Variants in PLAGL1 observed in about 807,000 individuals in gnomAD.
The protein encoded by PLAGL1 is PLAG1 like zinc finger 1, also known as zinc finger protein PLAGL1.
PLAGL1 carries 1 observed loss-of-function variant against 4.6 expected under a neutral mutation model. That is an observed-to-expected ratio of 0.22 (90% CI 0.08 to 1.03). The LOEUF is 1.03. PLAGL1 is among the 50% of genes least tolerant of loss of function. The pLI, the probability that PLAGL1 is intolerant of heterozygous loss-of-function variation, is 0.58. For missense variants in PLAGL1, 464 were observed against 570.4 expected (o/e 0.81, Z 1.90); for synonymous variants, 240 against 237.8 (o/e 1.01, Z -0.08).
intron 1 of PLAGL1, among the ~76,000 whole-genome samples, chr6:143,991,133 C>T (rs1160480211): frequency 1.3e-5 from 2 of 152,244 alleles, no homozygotes; most frequent in Non-Finnish European, 2.9e-5. Flanking sequence ...ATTATGTCCA[C>T]AAGGTTGGAA....
Position 143,955,049 on chromosome 6 carries a change from A to G in PLAGL1, c.-325+5420T>C, listed in dbSNP as rs1169976390. ...TATTCAAAGATGTGTTTCCTCAGGA[A>G]TGAATGGACAGAATACAATTACATT... On this transcript the variant is annotated intron_variant, in intron 6 of 7. Coordinates refer to ENST00000674357, the MANE Select transcript of PLAGL1 (RefSeq NM_001317162.2). This position sits in a 1 kb window ranked among gnomAD's most constrained non-coding sequence, Gnocchi z 4.9. 3.3e-5 allele frequency among the ~76,000 whole-genome samples: 5 copies of G among 152,218 alleles called. No homozygotes were observed. The highest frequency in any genetic ancestry group is 7.3e-5 in the Non-Finnish European group (5 of 68,036).
At chr6:143,974,595 T>A (rs1382683536) in intron 2 of PLAGL1, among the ~76,000 whole-genome samples, 5 of 152,142 alleles carry the variant, frequency 3.3e-5, no homozygotes, top group Non-Finnish European at 5.9e-5. Context: ...GTGACAAAAA[T>A]GGTGTGACAA....
chr6:144,029,049 T>C (rs1037245321), intron 1 of PLAGL1, among the ~76,000 whole-genome samples: 2 of 152,208 alleles, frequency 1.3e-5, no homozygotes, highest in African/African-American at 4.8e-5. Flanking sequence ...TATTACTATA[T>C]GTTTTGAGGA....
chr6:144,030,899 A>G (rs1426693668), intron 1 of PLAGL1, among the ~76,000 whole-genome samples: 1 of 152,130 alleles, frequency 6.6e-6, no homozygotes. Flanking sequence ...TTTTAGTTCA[A>G]ATGGTAGATC....
rs567245750 is a variant in PLAGL1 at position 144,036,879 on chromosome 6, G to A, written c.-151+27589C>T. ...CATCCCCTAATGGTTTGTTCTTGGT[G>A]TTGGACAAATCATAAAAGGACCAGA... On this transcript the variant is annotated intron_variant, in intron 1 of 3. Coordinates refer to the PLAGL1 transcript ENST00000437412. This position sits in a 1 kb window ranked among gnomAD's most constrained non-coding sequence, Gnocchi z 5.1. 1.1e-5 allele frequency: 3 copies of A among 276,494 alleles called. No individual in the cohort carries two copies. Among genetic ancestry groups the A allele is most frequent in the East Asian group, 1.1e-4 (1 of 9,140 alleles). The allele number at this position is 276,494 out of a possible 1,614,324, so 17.1% of individuals were successfully genotyped here. A position where few individuals can be genotyped will look rare whatever the true frequency, so the allele number is the denominator to read the frequency against.
rs974699075 is a variant in PLAGL1 at position 143,945,409 on chromosome 6, C to T, written c.152+2576G>A. ...TGTCTCTAACTGGTTTCATTATATG[C>T]TGTACTGGGACCCACATTCTGTTTT... is the stretch of plus-strand genomic sequence containing the variant. On this transcript the variant is annotated intron_variant, in intron 7 of 7. Transcript: ENST00000674357. The surrounding 1 kb of genome is among the most constrained non-coding windows in gnomAD (Gnocchi z 4.2). Among the ~76,000 whole-genome samples the T allele has an allele frequency of 6.6e-6, 1 of 151,980 alleles. No homozygotes were observed. The highest frequency in any genetic ancestry group is 1.5e-5 in the Non-Finnish European group (1 of 68,014).
intron 1 of PLAGL1, among the ~76,000 whole-genome samples, chr6:144,042,455 G>T (rs1176671049): frequency 1.3e-5 from 2 of 152,034 alleles, no homozygotes; most frequent in South Asian, 2.1e-4. Flanking sequence ...TCTTGTTTTT[G>T]TCAGGTTTGT....
chr6:143,971,256 C>T lies in PLAGL1; in HGVS notation c.-543-2278G>A, dbSNP rs539940916. Among the ~76,000 whole-genome samples, 8 of 152,150 alleles carry T rather than the reference C, an allele frequency of 5.3e-5. No homozygotes were observed. Among genetic ancestry groups the T allele is most frequent in the African/African-American group, 1.4e-4 (6 of 41,440 alleles). On this transcript the variant is annotated intron_variant, in intron 2 of 7. Coordinates refer to ENST00000674357, the MANE Select transcript of PLAGL1 (RefSeq NM_001317162.2). The surrounding 1 kb of genome is among the most constrained non-coding windows in gnomAD (Gnocchi z 4.7). ...ACCCATACAAATGCCCCTTCCTCTACGAGATTCCTCCCGCAATTCACAAAT... is the reference window on the plus strand; with the variant it reads ...ACCCATACAAATGCCCCTTCCTCTATGAGATTCCTCCCGCAATTCACAAAT...
chr6:143,992,881 G>C (rs1790773089), intron 1 of PLAGL1, among the ~76,000 whole-genome samples: 1 of 151,908 alleles, frequency 6.6e-6, no homozygotes, highest in Non-Finnish European at 1.5e-5. Context: ...GGGAAGCTGA[G>C]GCAGAAGAAT....
chr6:144,040,103 A>G (rs915918686), intron 1 of PLAGL1, among the ~76,000 whole-genome samples: 1 of 152,244 alleles, frequency 6.6e-6, no homozygotes, highest in African/African-American at 2.4e-5. Flanking sequence ...TTTAATGAGA[A>G]AAAAAGAAGG....
chr6:143,975,477 C>T lies in PLAGL1; in HGVS notation c.-543-6499G>A, dbSNP rs545508055. 6.6e-6 allele frequency among the ~76,000 whole-genome samples: 1 copy of T among 152,250 alleles called. No individual in the cohort carries two copies. The highest frequency in any genetic ancestry group is 2.4e-5 in the African/African-American group (1 of 41,542). ...AAATTAGATAACTAATATAAAGCTC[C>T]TAAAACAGCATTGGCATACAGTGAA... On this transcript the variant is annotated intron_variant, in intron 2 of 7. Coordinates refer to ENST00000674357, the MANE Select transcript of PLAGL1 (RefSeq NM_001317162.2). The surrounding 1 kb of genome is among the most constrained non-coding windows in gnomAD (Gnocchi z 5.8).
Position 143,965,064 on chromosome 6 carries a change from G to C in PLAGL1, c.-430-246C>G, listed in dbSNP as rs1383530569. 1 of 152,160 alleles carries C rather than the reference G, an allele frequency of 6.6e-6. No homozygotes were observed. The highest frequency in any genetic ancestry group is 2.4e-5 in the African/African-American group (1 of 41,422). 9.4% of individuals were successfully genotyped at this position (152,160 alleles called of 1,614,324 possible). ...TGATTTCCATAAGATGGAAATGATT[G>C]CATGCTGGAAACTGAGATGCTTTAG... On this transcript the variant is annotated intron_variant, in intron 4 of 7. Coordinates refer to ENST00000674357, the MANE Select transcript of PLAGL1 (RefSeq NM_001317162.2). The surrounding 1 kb of genome is among the most constrained non-coding windows in gnomAD (Gnocchi z 7.5).
intron 1 of PLAGL1, among the ~76,000 whole-genome samples, chr6:144,023,075 T>C (rs926320577): frequency 6.6e-6 from 1 of 152,216 alleles, no homozygotes; most frequent in African/African-American, 2.4e-5. Context: ...AGCTATTAAT[T>C]CATGCAACAC....
chr6:144,062,248 G>A (rs553893554), intron 1 of PLAGL1, among the ~76,000 whole-genome samples: 18 of 151,844 alleles, frequency 1.2e-4, no homozygotes, highest in Non-Finnish European at 2.5e-4. Flanking sequence ...GAGGAGGCAC[G>A]CGCCTGTAGT....
chr6:144,012,666 C>A (rs1035947252), upstream of PLAGL1, among the ~76,000 whole-genome samples: 25 of 152,266 alleles, frequency 1.6e-4, no homozygotes, highest in African/African-American at 4.6e-4. This position sits in a 1 kb window ranked among gnomAD's most constrained non-coding sequence, Gnocchi z 4.8. Context: ...TAGGTTATTT[C>A]CACAGTGGTC....
chr6:144,007,551 T>G (rs1794517105), intron 1 of PLAGL1: 1 of 152,228 alleles, frequency 6.6e-6, no homozygotes, highest in Non-Finnish European at 1.5e-5. Context: ...GAAAGTTGGA[T>G]GCGGAGACTA....
In PLAGL1 at chr6:143,940,845, A is replaced by C. The variant is rs1266541722; in HGVS notation, c.*579T>G. 6.6e-6 allele frequency: 1 copy of C among 152,612 alleles called. No individual in the cohort carries two copies. The highest frequency in any genetic ancestry group is 1.5e-5 in the Non-Finnish European group (1 of 68,042). The allele number at this position is 152,612 out of a possible 1,614,324, so 9.5% of individuals were successfully genotyped here. A position where few individuals can be genotyped will look rare whatever the true frequency, so the allele number is the denominator to read the frequency against. On this transcript the variant is annotated 3_prime_UTR_variant, in exon 8 of 8. Transcript: ENST00000674357. ...TGGAAAATATTCAAACTACATTTAAAATGCTTCTGTAAAATGGAGAACTCT... is the reference window on the plus strand; with the variant it reads ...TGGAAAATATTCAAACTACATTTAACATGCTTCTGTAAAATGGAGAACTCT...
intron 1 of PLAGL1, among the ~76,000 whole-genome samples, chr6:144,014,964 G>GA (rs540343026): frequency 2.6e-5 from 4 of 152,100 alleles, no homozygotes; most frequent in East Asian, 3.9e-4. Flanking sequence ...TCTATATAGA[G>GA]AAAAAAATAA....
rs530782070 is a variant in PLAGL1 at position 144,034,546 on chromosome 6, G to T, written c.-151+29922C>A. On this transcript the variant is annotated intron_variant, in intron 1 of 3. Coordinates refer to the PLAGL1 transcript ENST00000437412. The surrounding 1 kb of genome is among the most constrained non-coding windows in gnomAD (Gnocchi z 4.7). ...AGGGGGTTCAATAAATCATCTGCCAGAAAGGAAGTGTGCAGCTAATTCAGT... is the reference window on the plus strand; with the variant it reads ...AGGGGGTTCAATAAATCATCTGCCATAAAGGAAGTGTGCAGCTAATTCAGT... 1.2e-4 allele frequency among the ~76,000 whole-genome samples: 19 copies of T among 152,322 alleles called. No individual in the cohort carries two copies. The highest frequency in any genetic ancestry group is 4.6e-4 in the African/African-American group (19 of 41,572).
Sources: gnomAD v4.1 joint callset for allele counts (sites outside exome capture counted in the v4.1 genomes callset) on GRCh38, gnomAD v4.1.1 for gene constraint, Gnocchi (gnomAD v3.1) non-coding constraint, MANE v1.5 for transcripts, NCBI Gene and HGNC (gene_info 2026-07-23, HGNC 2026-07-21) for gene names.